Variants in GNA14 observed in about 807,000 individuals in gnomAD.
The protein encoded by GNA14 is G protein subunit alpha 14, also known as guanine nucleotide-binding protein subunit alpha-14.
Under a neutral mutation model 42.0 loss-of-function variants are expected in GNA14, and 50 were observed. The observed-to-expected ratio is 1.19, with a 90% CI of 0.95 to 1.51. The LOEUF is 1.51. Among genes scored for constraint, GNA14 ranks in the 40% most tolerant of loss-of-function variants. The pLI, the probability that GNA14 is intolerant of heterozygous loss-of-function variation, is 0.00. For synonymous variants in GNA14, 173 were observed against 163.1 expected (o/e 1.06, Z -0.46); for missense variants, 473 against 446.2 (o/e 1.06, Z -0.54).
At chr9:77,623,164 C>A (rs553045069) in intron 1 of GNA14, among the ~76,000 whole-genome samples, 1 of 120,616 alleles carries the variant, frequency 8.3e-6, no homozygotes, top group East Asian at 2.7e-4. Context: ...TTGCAGTGAA[C>A]CAAGATGGCA....
Position 77,431,395 on chromosome 9 carries a change from T to C in GNA14, c.519A>G (p.Gln173=). 4.3e-6 allele frequency: 7 copies of C among 1,613,724 alleles called. No homozygotes were observed. The highest frequency in any genetic ancestry group is 5.9e-6 in the Non-Finnish European group (7 of 1,179,716). Reference sequence around the variant, plus strand: ...TGGGCACTCGGACGCGAAGCACATCTTGTTGGGTAGGCACGAATGATGGTG... The same window carrying C: ...TGGGCACTCGGACGCGAAGCACATCCTGTTGGGTAGGCACGAATGATGGTG... ...IATPSFVPTQ[Q]DVLRVRVPTT... Residue 173 remains glutamine, a synonymous_variant, in exon 4 of 7, where the codon CAA becomes CAG. Coordinates refer to ENST00000341700, the MANE Select transcript of GNA14 (RefSeq NM_004297.4).
chr9:77,481,856 A>G (rs534561567), intron 2 of GNA14, among the ~76,000 whole-genome samples: 34 of 152,182 alleles, frequency 2.2e-4, no homozygotes, highest in African/African-American at 7.7e-4. Flanking sequence ...GTTTTATCAG[A>G]GACTAGGATT....
intron 2 of GNA14, among the ~76,000 whole-genome samples, chr9:77,496,963 CAT>C (rs1325308936): frequency 1.2e-4 from 19 of 152,114 alleles, no homozygotes; most frequent in South Asian, 6.2e-4. Flanking sequence ...CTGTAGATCA[CAT>C]AGAAGTTTCC....
At chr9:77,623,095 G>C (rs1399223283) in intron 1 of GNA14, among the ~76,000 whole-genome samples, 1 of 150,184 alleles carries the variant, frequency 6.7e-6, no homozygotes, top group East Asian at 2.0e-4. Flanking sequence ...TGCGCCTGTA[G>C]TTCCAGCTAC....
intron 1 of GNA14, among the ~76,000 whole-genome samples, chr9:77,533,345 A>G (rs1416541375): frequency 6.6e-6 from 1 of 152,058 alleles, no homozygotes; most frequent in African/African-American, 2.4e-5. Context: ...ACACCTGGCT[A>G]ATTTTTGTAT....
intron 1 of GNA14, among the ~76,000 whole-genome samples, chr9:77,575,336 C>A (rs1322760449): frequency 6.6e-6 from 1 of 152,046 alleles, no homozygotes; most frequent in Non-Finnish European, 1.5e-5. Flanking sequence ...GAGCTGAGAT[C>A]GCGCCACTGC....
intron 2 of GNA14, among the ~76,000 whole-genome samples, chr9:77,518,863 G>A (rs1837303930): frequency 6.6e-6 from 1 of 152,080 alleles, no homozygotes; most frequent in Non-Finnish European, 1.5e-5. Flanking sequence ...AAGAGAAAGT[G>A]CCATTATTTT....
At chr9:77,508,435 T>G (rs1339233267) in intron 2 of GNA14, among the ~76,000 whole-genome samples, 1 of 152,002 alleles carries the variant, frequency 6.6e-6, no homozygotes, top group Non-Finnish European at 1.5e-5. Flanking sequence ...ACAAAGGTGG[T>G]GTTGGATTAA....
At chr9:77,600,707 C>G (rs1339902703) in intron 1 of GNA14, among the ~76,000 whole-genome samples, 1 of 152,162 alleles carries the variant, frequency 6.6e-6, no homozygotes, top group Non-Finnish European at 1.5e-5. Context: ...CATCTGAGGT[C>G]AGGAGTTCGA....
chr9:77,547,929 C>T lies in GNA14; in HGVS notation c.125-18676G>A, dbSNP rs114387018. 7.0e-3 allele frequency among the ~76,000 whole-genome samples: 1,071 copies of T among 152,076 alleles called. 14 individuals are homozygous for T. The highest frequency in any genetic ancestry group is 0.024 in the African/African-American group (1,003 of 41,468). ...TGATAAGTGATAAGGGTGATACCTG[C>T]GGAAATGGAGAGGAAGAAGCAAATG... On this transcript the variant is annotated intron_variant, in intron 1 of 6. Coordinates refer to ENST00000341700, the MANE Select transcript of GNA14 (RefSeq NM_004297.4).
chr9:77,470,781 C>T (rs940473758), intron 2 of GNA14, among the ~76,000 whole-genome samples: 6 of 152,224 alleles, frequency 3.9e-5, no homozygotes, highest in African/African-American at 1.4e-4. Context: ...CTTCAGGAGA[C>T]TTACAATCAT....
At chr9:77,618,020 C>T (rs1293417692) in intron 1 of GNA14, among the ~76,000 whole-genome samples, 5 of 152,100 alleles carry the variant, frequency 3.3e-5, no homozygotes, top group East Asian at 1.9e-4. Flanking sequence ...TGTCTATTTA[C>T]TGTTAAATCA....
At chr9:77,491,843 C>T (rs1836782275) in intron 2 of GNA14, among the ~76,000 whole-genome samples, 1 of 152,174 alleles carries the variant, frequency 6.6e-6, no homozygotes, top group Non-Finnish European at 1.5e-5. Context: ...ACATTTCACC[C>T]AACTGCTGTA....
intron 1 of GNA14, among the ~76,000 whole-genome samples, chr9:77,550,670 C>A (rs1183245120): frequency 1.3e-5 from 2 of 152,292 alleles, no homozygotes; most frequent in East Asian, 3.9e-4. Context: ...ATCTTCAAAG[C>A]AGCTGTTAAA....
At chr9:77,647,556 G>A in intron 1 of GNA14, 114 bp downstream of exon 1, 15 of 1,216,434 alleles carry the variant, frequency 1.2e-5, no homozygotes, top group Non-Finnish European at 1.7e-5. Context: ...GGAGAAGGAC[G>A]AAGCCGCCCT....
At chr9:77,582,888 G>T (rs17786184) in intron 1 of GNA14, among the ~76,000 whole-genome samples, 5,614 of 152,286 alleles carry the variant, frequency 0.037, 113 homozygotes, top group South Asian at 0.063. Context: ...AGGGAACTGG[G>T]AAGTCTTCAG....
chr9:77,629,190 C>T (rs969810444), intron 1 of GNA14, among the ~76,000 whole-genome samples: 3 of 152,152 alleles, frequency 2.0e-5, no homozygotes, highest in African/African-American at 7.2e-5. Flanking sequence ...TACCCTCTCA[C>T]GCCAGTTAGA....
At chr9:77,593,611 TTGAAGGC>T (rs933607700) in intron 1 of GNA14, among the ~76,000 whole-genome samples, 4 of 152,144 alleles carry the variant, frequency 2.6e-5, no homozygotes, top group African/African-American at 7.2e-5. Context: ...CCCCTGACTT[TTGAAGGC>T]TGAAGGAGAT....
intron 2 of GNA14, among the ~76,000 whole-genome samples, chr9:77,489,890 A>G (rs958506645): frequency 6.6e-6 from 1 of 152,024 alleles, no homozygotes; most frequent in Non-Finnish European, 1.5e-5. Flanking sequence ...AGCTTCCACA[A>G]TGTGGAAGGG....
Sources: gnomAD v4.1 joint callset for allele counts (sites outside exome capture counted in the v4.1 genomes callset) on GRCh38, gnomAD v4.1.1 for gene constraint, MANE v1.5 for transcripts, NCBI Gene and HGNC (gene_info 2026-07-23, HGNC 2026-07-21) for gene names.